Variants in FAM78B observed in about 807,000 individuals in gnomAD.
FAM78B encodes the protein family with sequence similarity 78 member B.
Under a neutral mutation model 20.0 loss-of-function variants are expected in FAM78B, and 10 were observed. The ratio of observed to expected loss-of-function variants is 0.50; its 90% CI spans 0.31 to 0.85. The LOEUF is 0.85. Among genes scored for constraint, FAM78B ranks in the 40% least tolerant of loss-of-function variants. The probability of loss-of-function intolerance (pLI) is 0.05; values close to 1 mark genes in which losing one functional copy is unlikely to be tolerated. For missense variants in FAM78B, 283 were observed against 345.0 expected, an observed-to-expected ratio of 0.82 and a Z score of 1.42; for synonymous variants, 135 against 132.8, an observed-to-expected ratio of 1.02 and a Z score of -0.12.
chr1:166,084,673 C>G (rs1652741464), intron 1 of FAM78B, among the ~76,000 whole-genome samples: 1 of 152,236 alleles, frequency 6.6e-6, no homozygotes, highest in Admixed American at 6.5e-5. Context: ...GGGTCCACGT[C>G]TACTCTCCTA....
At chr1:166,132,754 A>G (rs1654920127) in intron 1 of FAM78B, among the ~76,000 whole-genome samples, 1 of 152,212 alleles carries the variant, frequency 6.6e-6, no homozygotes, top group African/African-American at 2.4e-5. Context: ...CACTACAAAG[A>G]TAATACTACA....
At chr1:166,121,832 G>A (rs1053821886) in intron 1 of FAM78B, among the ~76,000 whole-genome samples, 1 of 152,136 alleles carries the variant, frequency 6.6e-6, no homozygotes, top group African/African-American at 2.4e-5. Flanking sequence ...AGGTCATCTG[G>A]CTGCAGGTCC....
At chr1:166,142,360 G>A (rs1375930261) in intron 1 of FAM78B, among the ~76,000 whole-genome samples, 2 of 152,108 alleles carry the variant, frequency 1.3e-5, no homozygotes, top group African/African-American at 4.8e-5. Context: ...TACCACCCAG[G>A]CCTGGGAAGA....
intron 1 of FAM78B, among the ~76,000 whole-genome samples, chr1:166,080,784 T>C (rs967171736): frequency 6.6e-6 from 1 of 152,192 alleles, no homozygotes; most frequent in African/African-American, 2.4e-5. Context: ...TTGCAGCAAC[T>C]TTCTCCTCCC....
At chr1:166,127,589 A>G (rs1311999520) in intron 1 of FAM78B, among the ~76,000 whole-genome samples, 1 of 152,330 alleles carries the variant, frequency 6.6e-6, no homozygotes, top group Admixed American at 6.5e-5. Flanking sequence ...TAGGTGCTCA[A>G]TAAATAGCTG....
chr1:166,162,980 G>A (rs901720958), intron 1 of FAM78B, among the ~76,000 whole-genome samples: 4 of 152,108 alleles, frequency 2.6e-5, no homozygotes, highest in South Asian at 2.1e-4. Context: ...GCCCGCCAGC[G>A]CTCTCAGGCA....
chr1:166,147,535 G>A (rs984698105), intron 1 of FAM78B, among the ~76,000 whole-genome samples: 9 of 152,176 alleles, frequency 5.9e-5, no homozygotes, highest in African/African-American at 1.7e-4. Flanking sequence ...GGTCTACTGC[G>A]TTCCCCGTGC....
intron 1 of FAM78B, among the ~76,000 whole-genome samples, chr1:166,120,457 C>T (rs1475665806): frequency 3.9e-5 from 6 of 152,158 alleles, no homozygotes; most frequent in South Asian, 2.1e-4. Flanking sequence ...GAACATGGGT[C>T]GAGGCTCAGG....
At chr1:166,080,397 G>A (rs1652517518) in intron 1 of FAM78B, among the ~76,000 whole-genome samples, 1 of 152,090 alleles carries the variant, frequency 6.6e-6, no homozygotes, top group Non-Finnish European at 1.5e-5. Flanking sequence ...GCACAGCAGG[G>A]GATCTCCAAG....
At chr1:166,131,417 G>C (rs1305119068) in intron 1 of FAM78B, among the ~76,000 whole-genome samples, 4 of 152,192 alleles carry the variant, frequency 2.6e-5, no homozygotes, top group African/African-American at 9.7e-5. Context: ...AACTGCTCCA[G>C]AGTTAAAGCA....
intron 1 of FAM78B, among the ~76,000 whole-genome samples, chr1:166,091,468 A>G (rs1266577319): frequency 6.6e-6 from 1 of 152,208 alleles, no homozygotes; most frequent in Admixed American, 6.5e-5. Context: ...GCCTGCTGCC[A>G]TCCAAGACGT....
At chr1:166,077,314 T>C (rs1652312680) in intron 1 of FAM78B, among the ~76,000 whole-genome samples, 1 of 152,168 alleles carries the variant, frequency 6.6e-6, no homozygotes, top group South Asian at 2.1e-4. Context: ...TGTGTGAACT[T>C]TCTGTACCTG....
At chr1:166,078,568 A>G (rs2101720064) in intron 1 of FAM78B, among the ~76,000 whole-genome samples, 2 of 152,314 alleles carry the variant, frequency 1.3e-5, no homozygotes, top group South Asian at 2.1e-4. Flanking sequence ...TCATTCAAAT[A>G]AGCAGTCCAT....
chr1:166,078,630 G>A (rs955206189), intron 1 of FAM78B, among the ~76,000 whole-genome samples: 3 of 152,208 alleles, frequency 2.0e-5, no homozygotes, highest in African/African-American at 4.8e-5. Flanking sequence ...CACTGCCTTT[G>A]AGGGGCAGAG....
At chr1:166,086,302 C>G (rs1249128727) in intron 1 of FAM78B, among the ~76,000 whole-genome samples, 1 of 152,138 alleles carries the variant, frequency 6.6e-6, no homozygotes, top group African/African-American at 2.4e-5. Flanking sequence ...CACAGGGTTT[C>G]CTCATAGGTG....
intron 1 of FAM78B, among the ~76,000 whole-genome samples, chr1:166,090,031 C>CCAAA (rs899022702): frequency 1.3e-5 from 2 of 152,116 alleles, no homozygotes; most frequent in African/African-American, 4.8e-5. Context: ...GGATCGAAAG[C>CCAAA]CAAACAGGAA....
rs115090875 is a variant in FAM78B, at chr1:166,124,181, C to G, written c.263+41805G>C. ...TATGTCTGGCTCATGGGTTTCAACA[C>G]CCTTTTCCTGGAACATCTTTTGCAC... On this transcript the variant is annotated intron_variant, in intron 1 of 1. Transcript: ENST00000354422. Among the ~76,000 whole-genome samples the G allele has an allele frequency of 1.9e-3, 287 of 152,292 alleles. 1 individual carries two copies. Among genetic ancestry groups the G allele is most frequent in the African/African-American group, 6.5e-3 (272 of 41,556 alleles).
At chr1:166,124,366 G>A (rs1231485367) in intron 1 of FAM78B, among the ~76,000 whole-genome samples, 1 of 152,172 alleles carries the variant, frequency 6.6e-6, no homozygotes, top group Admixed American at 6.5e-5. Context: ...ACTAAACAAT[G>A]ATGATAACAA....
intron 1 of FAM78B, among the ~76,000 whole-genome samples, chr1:166,114,002 T>G (rs1654165104): frequency 6.6e-6 from 1 of 152,140 alleles, no homozygotes; most frequent in Non-Finnish European, 1.5e-5. Context: ...TAGGGCCCAC[T>G]AACCTGAAGA....
Sources: allele counts gnomAD v4.1 joint callset (sites outside exome capture counted in the v4.1 genomes callset), GRCh38; gene constraint gnomAD v4.1.1; transcripts MANE v1.5; gene names NCBI Gene and HGNC (gene_info 2026-07-23, HGNC 2026-07-21).